C1orf21: variants seen among roughly 807,000 people sequenced by gnomAD.
The protein encoded by C1orf21 is chromosome 1 open reading frame 21.
C1orf21 carries 3 observed loss-of-function variants against 18.7 expected under a neutral mutation model. The observed-to-expected ratio is 0.16, with a 90% CI of 0.07 to 0.42. The LOEUF is 0.42. C1orf21 is among the 10% of genes least tolerant of loss of function. The pLI, the probability that C1orf21 is intolerant of heterozygous loss-of-function variation, is 0.99. For missense variants in C1orf21, 104 were observed against 143.6 expected (o/e 0.72, Z 1.41); for synonymous variants, 41 against 46.4 (o/e 0.88, Z 0.47).
chr1:184,453,998 G>A (rs1055622896), intron 1 of C1orf21, among the ~76,000 whole-genome samples: 2 of 152,158 alleles, frequency 1.3e-5, no homozygotes, highest in Admixed American at 1.3e-4. Context: ...AGGTTAATGG[G>A]AATTGTGTAG....
chr1:184,397,499 T>TA (rs1354637369), intron 1 of C1orf21, among the ~76,000 whole-genome samples: 1 of 151,948 alleles, frequency 6.6e-6, no homozygotes, highest in African/African-American at 2.4e-5. Flanking sequence ...GGCAGGAGAA[T>TA]GTCGTGAACC....
chr1:184,590,954 C>G (rs1659428502), intron 4 of C1orf21, 139 bp downstream of exon 4: 1 of 734,710 alleles, frequency 1.4e-6, no homozygotes, highest in Non-Finnish European at 2.2e-6. Flanking sequence ...AAAATTTGAA[C>G]TTGCCGCACA....
intron 3 of C1orf21, among the ~76,000 whole-genome samples, chr1:184,572,813 A>G (rs1985703): frequency 0.59 from 89,557 of 151,936 alleles, 28,997 homozygotes; most frequent in African/African-American, 0.88. Context: ...TCAGCCACGC[A>G]TGGTGGCATG....
intron 3 of C1orf21, among the ~76,000 whole-genome samples, chr1:184,553,127 A>C (rs1307825851): frequency 6.6e-6 from 1 of 152,098 alleles, no homozygotes; most frequent in Non-Finnish European, 1.5e-5. Context: ...TTCTTAATAC[A>C]ATCTGGGTAC....
intron 1 of C1orf21, among the ~76,000 whole-genome samples, chr1:184,457,712 T>G (rs916370815): frequency 3.3e-5 from 5 of 152,124 alleles, no homozygotes; most frequent in African/African-American, 1.2e-4. Context: ...CTATTCTCTT[T>G]CCTCAGTCTG....
intron 5 of C1orf21, among the ~76,000 whole-genome samples, chr1:184,599,923 A>G (rs1035564116): frequency 1.3e-5 from 2 of 152,190 alleles, no homozygotes; most frequent in African/African-American, 4.8e-5. Flanking sequence ...TTTGAACTTC[A>G]AAACACTTCT....
chr1:184,473,361 A>G (rs1657522442), intron 1 of C1orf21, among the ~76,000 whole-genome samples: 1 of 152,192 alleles, frequency 6.6e-6, no homozygotes, highest in Non-Finnish European at 1.5e-5. Flanking sequence ...TGTTTGCACC[A>G]TCAGACTTAC....
intron 5 of C1orf21, among the ~76,000 whole-genome samples, chr1:184,619,074 G>A (rs1659876413): frequency 6.6e-6 from 1 of 152,154 alleles, no homozygotes; most frequent in African/African-American, 2.4e-5. Flanking sequence ...TTTGTAATCC[G>A]TTTTAGAGTG....
At chr1:184,616,654 G>A (rs1051665025) in intron 5 of C1orf21, among the ~76,000 whole-genome samples, 2 of 152,098 alleles carry the variant, frequency 1.3e-5, no homozygotes, top group Non-Finnish European at 2.9e-5. Context: ...CACCTTTCAT[G>A]TATGCATGTG....
Position 184,537,869 on chromosome 1 carries a change from G to A in C1orf21, c.189+30187G>A, listed in dbSNP as rs148169832. Among the ~76,000 whole-genome samples, 1,511 of 152,086 alleles carry A rather than the reference G, an allele frequency of 9.9e-3. 25 individuals carry two copies. Among genetic ancestry groups the A allele is most frequent in the African/African-American group, 0.033 (1,355 of 41,484 alleles). Reference sequence around the variant, plus strand: ...TCTTCATGTTGGTCAGGCTGGTCTCGAACTCCTGACCTCAGGTGATCCGCC... The same window carrying A: ...TCTTCATGTTGGTCAGGCTGGTCTCAAACTCCTGACCTCAGGTGATCCGCC... On this transcript the variant is annotated intron_variant, in intron 3 of 5. Transcript: ENST00000235307.
intron 3 of C1orf21, among the ~76,000 whole-genome samples, chr1:184,536,636 A>G (rs1658557922): frequency 2.0e-5 from 3 of 152,202 alleles, no homozygotes; most frequent in African/African-American, 7.2e-5. Flanking sequence ...TGCCTGCCAT[A>G]GCATGTGAGG....
chr1:184,494,007 C>T (rs1351053941), intron 2 of C1orf21, among the ~76,000 whole-genome samples: 1 of 152,190 alleles, frequency 6.6e-6, no homozygotes, highest in Non-Finnish European at 1.5e-5. Flanking sequence ...TGATTGCCCT[C>T]ATTTGGCTCA....
intron 2 of C1orf21, among the ~76,000 whole-genome samples, chr1:184,497,606 TA>T (rs1431095138): frequency 4.6e-4 from 70 of 152,320 alleles, no homozygotes; most frequent in African/African-American, 1.6e-3. Flanking sequence ...GATGTAATTT[TA>T]TCACAGAAGA....
rs2102017970 is a variant in C1orf21 at position 184,626,408 on chromosome 1, G to C, written c.*6852G>C. 6.6e-6 allele frequency: 1 copy of C among 152,438 alleles called. No individual in the cohort carries two copies. Among genetic ancestry groups the C allele is most frequent in the East Asian group, 1.9e-4 (1 of 5,182 alleles). 9.4% of individuals were successfully genotyped at this position (152,438 alleles called of 1,614,324 possible). ...TAGCACAGGACTCAGCCCAAAGGAG[G>C]GCCAGTGTGGACTGTCCAGGGCCAG... is the stretch of plus-strand genomic sequence containing the variant. On this transcript the variant is annotated 3_prime_UTR_variant, in exon 6 of 6. Coordinates refer to ENST00000235307, the MANE Select transcript of C1orf21 (RefSeq NM_030806.4).
Position 184,470,553 on chromosome 1 carries a change from T to C in C1orf21, c.-124-6833T>C, listed in dbSNP as rs951515931. On this transcript the variant is annotated intron_variant, in intron 1 of 5. Coordinates refer to ENST00000235307, the MANE Select transcript of C1orf21 (RefSeq NM_030806.4). ...CCCATGACACAAGCTGAAGACCTCT[T>C]GCAAATACCTTTGGTATTCTGGGTC... 7.2e-5 allele frequency among the ~76,000 whole-genome samples: 11 copies of C among 152,182 alleles called. No individual in the cohort carries two copies. The South Asian group carries it at 2.3e-3, about 32-fold the overall frequency.
intron 3 of C1orf21, among the ~76,000 whole-genome samples, chr1:184,585,854 T>C (rs562946411): frequency 6.6e-6 from 1 of 152,238 alleles, no homozygotes; most frequent in African/African-American, 2.4e-5. Context: ...ACATTTTCTT[T>C]ATTCAGTCTA....
chr1:184,561,357 T>A (rs10911610), intron 3 of C1orf21, among the ~76,000 whole-genome samples: 50,606 of 151,966 alleles, frequency 0.33, 8,880 homozygotes, highest in African/African-American at 0.42. Context: ...AGCAGGGATA[T>A]AGGTATAATC....
intron 1 of C1orf21, among the ~76,000 whole-genome samples, chr1:184,475,183 C>T (rs1657551706): frequency 6.6e-6 from 1 of 152,056 alleles, no homozygotes; most frequent in African/African-American, 2.4e-5. Context: ...CAGAATGGAC[C>T]TCTCCACAAC....
chr1:184,392,804 C>T (rs1409193995), intron 1 of C1orf21, among the ~76,000 whole-genome samples: 1 of 143,314 alleles, frequency 7.0e-6, no homozygotes, highest in Non-Finnish European at 1.5e-5. Context: ...AGATTTTTAT[C>T]CATAGACATT....
Sources: gnomAD v4.1 joint callset for allele counts (sites outside exome capture counted in the v4.1 genomes callset) on GRCh38, gnomAD v4.1.1 for gene constraint, MANE v1.5 for transcripts, NCBI Gene and HGNC (gene_info 2026-07-23, HGNC 2026-07-21) for gene names.